PCNT: variants seen among roughly 807,000 people sequenced by gnomAD.
PCNT encodes pericentrin.
A neutral mutation model predicts 380.4 loss-of-function variants in PCNT; 319 were observed. That is an observed-to-expected ratio of 0.84 (90% CI 0.77 to 0.92). PCNT has a LOEUF of 0.92. Among genes scored for constraint, PCNT ranks in the 40% least tolerant of loss-of-function variants. PCNT has a pLI of 0.00. For synonymous variants in PCNT, 1,845 were observed against 1,735.2 expected (o/e 1.06, Z -1.57); for missense variants, 4,400 against 4,255.3 (o/e 1.03, Z -0.95).
Position 46,326,413 on chromosome 21 carries a change from A to T in PCNT, c.91A>T (p.Ser31Cys). 6.2e-7 allele frequency: 1 copy of T among 1,614,228 alleles called. No individual in the cohort carries two copies. Among genetic ancestry groups the T allele is most frequent in the Non-Finnish European group, 8.5e-7 (1 of 1,180,038 alleles). ...HFRQRKTKGD[S>C]SHSEKKTAKR... Reference sequence around the variant, plus strand: ...CCGACAGAGAAAAACAAAAGGTGACAGTTCGCATTCGGAGAAAAAGACGGC... The same window carrying T: ...CCGACAGAGAAAAACAAAAGGTGACTGTTCGCATTCGGAGAAAAAGACGGC... Residue 31 changes from serine (S) to cysteine (C), a missense_variant, in exon 2 of 47, where the codon AGT becomes TGT. Coordinates refer to ENST00000359568, the MANE Select transcript of PCNT (RefSeq NM_006031.6).
chr21:46,394,277 G>A (rs2086134768), intron 21 of PCNT, among the ~76,000 whole-genome samples: 1 of 152,208 alleles, frequency 6.6e-6, no homozygotes, highest in South Asian at 2.1e-4. Flanking sequence ...CTCTCTTCAG[G>A]TGTTGCCATC....
chr21:46,417,745 AC>A (rs971246232), intron 30 of PCNT, among the ~76,000 whole-genome samples: 1 of 152,010 alleles, frequency 6.6e-6, no homozygotes, highest in African/African-American at 2.4e-5. Flanking sequence ...TACAAAAAAA[AC>A]ACAAAAAATT....
chr21:46,343,931 G>T (rs1193476344), intron 3 of PCNT, among the ~76,000 whole-genome samples: 1 of 152,100 alleles, frequency 6.6e-6, no homozygotes, highest in Non-Finnish European at 1.5e-5. Context: ...GGCCTTGAGT[G>T]ATCTTTGGTA....
chr21:46,428,562 C>T lies in PCNT; in HGVS notation c.7662C>T (p.Ser2554=), dbSNP rs1309729750. ...TALTSAEARG[S]QQEHQLRRQV... is the part of the protein sequence containing the mutation. ...TGACAAGCGCAGAGGCGCGCGGGAG[C>T]CAGCAGGAGCACCAGCTGCGCAGGC... The change falls in exon 35 of 47, where the codon AGC becomes AGT. Residue 2554 remains serine (S), a synonymous_variant. Transcript: ENST00000359568. 1.2e-6 allele frequency: 2 copies of T among 1,604,304 alleles called. No homozygotes were observed. The highest frequency in any genetic ancestry group is 2.7e-5 in the African/African-American group (2 of 74,872).
chr21:46,374,705 C>T (rs971094097), intron 15 of PCNT, among the ~76,000 whole-genome samples: 2 of 152,112 alleles, frequency 1.3e-5, no homozygotes, highest in African/African-American at 4.8e-5. Flanking sequence ...CAAAACTAGC[C>T]AGCCATGGTG....
At chr21:46,376,978 C>T (rs2147081458) in intron 15 of PCNT, among the ~76,000 whole-genome samples, 1 of 152,324 alleles carries the variant, frequency 6.6e-6, no homozygotes, top group South Asian at 2.1e-4. Context: ...CGTTTCTGGT[C>T]CCTGTGACTA....
At chr21:46,370,609 T>C (rs2085087718) in intron 15 of PCNT, among the ~76,000 whole-genome samples, 1 of 152,054 alleles carries the variant, frequency 6.6e-6, no homozygotes, top group South Asian at 2.1e-4. Flanking sequence ...TAGTTGCTCT[T>C]ATAAATCTGC....
At chr21:46,433,444 G>A (rs549063114) in intron 38 of PCNT, among the ~76,000 whole-genome samples, 15 of 152,336 alleles carry the variant, frequency 9.8e-5, no homozygotes, top group African/African-American at 2.6e-4. Flanking sequence ...AAGCCTTGGA[G>A]AGTAGGGAGG....
intron 31 of PCNT, among the ~76,000 whole-genome samples, chr21:46,419,585 G>C (rs969451848): frequency 3.9e-5 from 6 of 152,098 alleles, no homozygotes; most frequent in Non-Finnish European, 7.4e-5. Flanking sequence ...CGTCCCCCTC[G>C]AGCCACTTTT....
At chr21:46,372,908 T>C (rs2085201000) in intron 15 of PCNT, among the ~76,000 whole-genome samples, 1 of 152,242 alleles carries the variant, frequency 6.6e-6, no homozygotes, top group African/African-American at 2.4e-5. Context: ...CAGGGACTCA[T>C]GCTAAAGAAA....
intron 15 of PCNT, among the ~76,000 whole-genome samples, chr21:46,377,364 G>A (rs1334772476): frequency 1.3e-5 from 2 of 152,226 alleles, no homozygotes; most frequent in Non-Finnish European, 2.9e-5. Context: ...TGCCTGCTAA[G>A]TAGATACAAA....
rs763453290 is a variant in PCNT at position 46,385,913 on chromosome 21, C to T, written c.3394C>T (p.Arg1132Trp). 5.0e-6 allele frequency: 8 copies of T among 1,614,174 alleles called. No homozygotes were observed. Among genetic ancestry groups the T allele is most frequent in the African/African-American group, 1.3e-5 (1 of 75,052 alleles). ...GGAGGTGCTGCAGCAGAGGCGGGAG[C>T]GGGAGAACCGGGAAGGCGCAAACCT... ...ELEVLQQRRERENREGANLLS... is the reference protein window; with the variant it reads ...ELEVLQQRREWENREGANLLS... The change falls in exon 17 of 47, where the codon CGG becomes TGG. Residue 1132 changes from arginine (R) to tryptophan (W), a missense_variant. Transcript: ENST00000359568.
Position 46,381,828 on chromosome 21 carries a change from C to A in PCNT, c.3300C>A (p.His1100Gln). ...CTCTGCAGCTTCAAAAGAAGAATCA[C>A]CAAGTCCAGCAGGTGTGTGGAATAC... ...SLSLQLQKKN[H>Q]QVQQLKDQVL... The change falls in exon 16 of 47, where the codon CAC becomes CAA. Residue 1100 changes from histidine (H) to glutamine (Q), a missense_variant. His to Gln is a conservative substitution (Grantham distance 24). Coordinates refer to ENST00000359568, the MANE Select transcript of PCNT (RefSeq NM_006031.6). The A allele has an allele frequency of 6.2e-7, 1 of 1,614,182 alleles. No individual in the cohort carries two copies. The highest frequency in any genetic ancestry group is 8.5e-7 in the Non-Finnish European group (1 of 1,180,018).
At position 46,346,096 on chromosome 21, in the gene PCNT, C is replaced by T. The variant is rs544866844; in HGVS notation, c.640-32C>T. ...ATCACTGTGGCTTCTCATGTGAATT[C>T]TGGACCTACATTCTTTGCCTTTTTT... On this transcript the variant is annotated intron_variant, in intron 3 of 46. Coordinates refer to ENST00000359568, the MANE Select transcript of PCNT (RefSeq NM_006031.6). 1.1e-5 allele frequency: 17 copies of T among 1,600,858 alleles called. No homozygotes were observed. In the African/African-American group the frequency reaches 2.0e-4, roughly 19 times the overall value.
intron 15 of PCNT, among the ~76,000 whole-genome samples, chr21:46,373,945 G>T (rs963889137): frequency 6.6e-6 from 1 of 151,804 alleles, no homozygotes; most frequent in Non-Finnish European, 1.5e-5. Flanking sequence ...GGCCAGGCTG[G>T]TCTCGAACTC....
chr21:46,431,457 G>A, intron 37 of PCNT, 72 bp from the exon 38 acceptor site: 1 of 1,612,308 alleles, frequency 6.2e-7, no homozygotes, highest in South Asian at 1.1e-5. Flanking sequence ...ATAAACAAAT[G>A]TGGACAGGAA....
rs528187476 is a variant in PCNT, at chr21:46,408,020, G to A, written c.5116-3169G>A. On this transcript the variant is annotated intron_variant, in intron 27 of 46. Coordinates refer to ENST00000359568, the MANE Select transcript of PCNT (RefSeq NM_006031.6). ...TTTAAGTTTTTTGTTTTTAGACTTC[G>A]TGCATAGTAAAATTAGTTTTTTTTA... is the stretch of plus-strand genomic sequence containing the variant. 3.9e-5 allele frequency among the ~76,000 whole-genome samples: 6 copies of A among 151,994 alleles called. No individual in the cohort carries two copies. The South Asian group carries it at 8.3e-4, about 21-fold the overall frequency.
intron 15 of PCNT, among the ~76,000 whole-genome samples, chr21:46,381,327 A>G (rs1385049655): frequency 6.6e-6 from 1 of 152,002 alleles, no homozygotes; most frequent in Non-Finnish European, 1.5e-5. Flanking sequence ...GAAGGAACCT[A>G]GGTTTCCAAA....
Position 46,381,853 on chromosome 21 carries a change from C to T in PCNT, c.3312+13C>T, listed in dbSNP as rs773384732. ...CCAAGTCCAGCAGGTGTGTGGAATA[C>T]GCTGTTCCCTTGTGATAAGACGTGT... On this transcript the variant is annotated intron_variant, in intron 16 of 46. Coordinates refer to ENST00000359568, the MANE Select transcript of PCNT (RefSeq NM_006031.6). 12 of 1,613,662 alleles carry T rather than the reference C, an allele frequency of 7.4e-6. No individual in the cohort carries two copies. Among genetic ancestry groups the T allele is most frequent in the East Asian group, 4.5e-5 (2 of 44,882 alleles).
Sources: gnomAD v4.1 joint callset for allele counts (sites outside exome capture counted in the v4.1 genomes callset) on GRCh38, gnomAD v4.1.1 for gene constraint, MANE v1.5 for transcripts, NCBI Gene and HGNC (gene_info 2026-07-23, HGNC 2026-07-21) for gene names.